The following ERBB4 variants were observed in gnomAD, a reference collection of about 807,000 sequenced individuals.
ERBB4 encodes erb-b2 receptor tyrosine kinase 4, also known as receptor tyrosine-protein kinase erbB-4.
A neutral mutation model predicts 158.0 loss-of-function variants in ERBB4; 42 were observed. That is an observed-to-expected ratio of 0.27 (90% CI 0.21 to 0.34). ERBB4 has a LOEUF of 0.34. Ranked by LOEUF, ERBB4 falls within the 10% of genes least tolerant of loss-of-function variation. ERBB4 has a pLI of 1.00. For synonymous variants in ERBB4, 583 were observed against 558.7 expected (o/e 1.04, Z -0.61); for missense variants, 1,333 against 1,624.1 (o/e 0.82, Z 3.08).
At chr2:211,693,072 GTTAC>G (rs780436008) in intron 12 of ERBB4, among the ~76,000 whole-genome samples, 4 of 152,134 alleles carry the variant, frequency 2.6e-5, no homozygotes, top group Non-Finnish European at 5.9e-5. Flanking sequence ...ATATACCCTA[GTTAC>G]TCTATATCTC....
chr2:211,699,607 T>C (rs2106025271), intron 12 of ERBB4, among the ~76,000 whole-genome samples: 1 of 152,244 alleles, frequency 6.6e-6, no homozygotes, highest in Non-Finnish European at 1.5e-5. Flanking sequence ...TGAAAAATGA[T>C]ATGCTTGATA....
At chr2:211,738,481 G>A (rs2074682763) in intron 5 of ERBB4, among the ~76,000 whole-genome samples, 1 of 149,682 alleles carries the variant, frequency 6.7e-6, no homozygotes, top group Non-Finnish European at 1.5e-5. Context: ...GGATTCTCCT[G>A]CCTCAGCCTC....
intron 19 of ERBB4, among the ~76,000 whole-genome samples, chr2:211,602,442 A>G (rs1456713777): frequency 6.6e-6 from 1 of 152,082 alleles, no homozygotes; most frequent in African/African-American, 2.4e-5. Flanking sequence ...CTTGTTCACC[A>G]GCCTGCAATC....
At chr2:212,429,130 G>A (rs920164211) in intron 1 of ERBB4, 1 of 152,346 alleles carries the variant, frequency 6.6e-6, no homozygotes, top group Non-Finnish European at 1.5e-5. Context: ...GCAGGGAAGA[G>A]AGAGATTATA....
At chr2:212,057,467 C>T (rs185045000) in intron 2 of ERBB4, among the ~76,000 whole-genome samples, 99 of 152,308 alleles carry the variant, frequency 6.5e-4, no homozygotes, top group African/African-American at 2.3e-3. Flanking sequence ...CCCAAATCAA[C>T]AGAATATACA....
chr2:211,861,008 T>TA (rs2078002991), intron 3 of ERBB4, among the ~76,000 whole-genome samples: 2 of 20,970 alleles, frequency 9.5e-5, no homozygotes, highest in Non-Finnish European at 1.4e-4. Flanking sequence ...TATTATATAT[T>TA]TATATATTTA....
chr2:212,352,663 C>G (rs1017270361), intron 1 of ERBB4, among the ~76,000 whole-genome samples: 1 of 151,896 alleles, frequency 6.6e-6, no homozygotes, highest in African/African-American at 2.4e-5. Flanking sequence ...AGGTCAGGAG[C>G]TCGACACCAA....
intron 2 of ERBB4, among the ~76,000 whole-genome samples, chr2:212,075,415 A>C (rs1428022625): frequency 1.3e-5 from 2 of 151,926 alleles, no homozygotes; most frequent in Non-Finnish European, 2.9e-5. Context: ...ACAATCATTG[A>C]ATTAATTATA....
intron 1 of ERBB4, among the ~76,000 whole-genome samples, chr2:212,397,756 T>C (rs113213321): frequency 0.09 from 13,622 of 152,188 alleles, 985 homozygotes; most frequent in African/African-American, 0.2. Context: ...TTATATTGTG[T>C]TCATTTTTCT....
intron 3 of ERBB4, among the ~76,000 whole-genome samples, chr2:211,929,795 T>C (rs1256433222): frequency 5.3e-5 from 8 of 152,184 alleles, no homozygotes; most frequent in Non-Finnish European, 1.2e-4. Flanking sequence ...ATTATACTCA[T>C]ATAGACATAT....
In ERBB4 at chr2:211,442,975, A is replaced by G. The variant is rs937989514; in HGVS notation, c.2488-11875T>C. On this transcript the variant is annotated intron_variant, in intron 20 of 27. Coordinates refer to ENST00000342788, the MANE Select transcript of ERBB4 (RefSeq NM_005235.3). ...TGTTCCTGTGGAGATGACATAACTC[A>G]GTTTGACCCTCCTCACATTTACCAA... Among the ~76,000 whole-genome samples, 4 of 152,114 alleles carry G rather than the reference A, an allele frequency of 2.6e-5. No individual in the cohort carries two copies. In the East Asian group the frequency reaches 5.8e-4, roughly 22 times the overall value.
chr2:211,560,418 G>A (rs1027588900), intron 20 of ERBB4, among the ~76,000 whole-genome samples: 3 of 151,484 alleles, frequency 2.0e-5, no homozygotes, highest in Non-Finnish European at 2.9e-5. Context: ...GGGATTACAG[G>A]CATGTGCCAC....
At chr2:211,675,514 T>C (rs75063207) in intron 13 of ERBB4, among the ~76,000 whole-genome samples, 1,671 of 152,084 alleles carry the variant, frequency 0.011, 40 homozygotes, top group African/African-American at 0.038. Flanking sequence ...GTGTTGTTCT[T>C]AAACTTTCAC....
chr2:212,189,559 A>T (rs1255830449), intron 1 of ERBB4, among the ~76,000 whole-genome samples: 1 of 152,214 alleles, frequency 6.6e-6, no homozygotes, highest in African/African-American at 2.4e-5. Context: ...TGAGAGCGAC[A>T]TATCAAAGAG....
At chr2:211,792,295 G>T (rs1032425591) in intron 3 of ERBB4, among the ~76,000 whole-genome samples, 1 of 151,422 alleles carries the variant, frequency 6.6e-6, no homozygotes, top group South Asian at 2.1e-4. Context: ...CATATCTCCA[G>T]TTTCAATATT....
chr2:211,867,771 T>C (rs1039343106), intron 3 of ERBB4, among the ~76,000 whole-genome samples: 1 of 152,184 alleles, frequency 6.6e-6, no homozygotes, highest in African/African-American at 2.4e-5. Context: ...GACTAAATCT[T>C]TGTGGAACAA....
chr2:211,788,896 A>G (rs774982334), intron 3 of ERBB4, among the ~76,000 whole-genome samples: 2 of 152,154 alleles, frequency 1.3e-5, no homozygotes, highest in Non-Finnish European at 2.9e-5. Context: ...ATGTATAACA[A>G]ATCCTGTGGT....
intron 3 of ERBB4, among the ~76,000 whole-genome samples, chr2:211,864,877 G>A (rs2078164132): frequency 6.6e-6 from 1 of 152,090 alleles, no homozygotes; most frequent in Non-Finnish European, 1.5e-5. Context: ...TGAGCGTGGT[G>A]GTGGGTGCCT....
intron 1 of ERBB4, among the ~76,000 whole-genome samples, chr2:212,137,893 C>G (rs1225817514): frequency 6.6e-6 from 1 of 152,138 alleles, no homozygotes; most frequent in African/African-American, 2.4e-5. Context: ...GATAAGGAGA[C>G]AGCCACCACT....
Sources: gnomAD v4.1 joint callset for allele counts (sites outside exome capture counted in the v4.1 genomes callset) on GRCh38, gnomAD v4.1.1 for gene constraint, MANE v1.5 for transcripts, NCBI Gene and HGNC (gene_info 2026-07-23, HGNC 2026-07-21) for gene names.